The following CELF4 variants were observed in gnomAD, a reference collection of about 807,000 sequenced individuals.
CELF4 encodes the protein CUG-BP- and ETR-3-like factor 4.
A neutral mutation model predicts 59.9 loss-of-function variants in CELF4; 18 were observed. The ratio of observed to expected loss-of-function variants is 0.30; its 90% CI spans 0.21 to 0.45. CELF4 has a LOEUF of 0.45. Ranked by LOEUF, CELF4 falls within the 20% of genes least tolerant of loss-of-function variation. The pLI, the probability that CELF4 is intolerant of heterozygous loss-of-function variation, is 1.00. For missense variants in CELF4, 456 were observed against 689.0 expected (o/e 0.66, Z 3.79); for synonymous variants, 261 against 267.1 (o/e 0.98, Z 0.22).
chr18:37,551,007 G>A (rs1199144315), intron 1 of CELF4, among the ~76,000 whole-genome samples: 3 of 151,330 alleles, frequency 2.0e-5, no homozygotes, highest in African/African-American at 7.4e-5. Flanking sequence ...TTTTGGTTGG[G>A]TACCGTTGCT....
chr18:37,293,587 G>A (rs2154426561), intron 3 of CELF4, among the ~76,000 whole-genome samples: 1 of 152,192 alleles, frequency 6.6e-6, no homozygotes, highest in South Asian at 2.1e-4. Context: ...GCAAATTTGG[G>A]GAGAAGACTA....
At chr18:37,320,253 G>A (rs1478656874) in intron 3 of CELF4, among the ~76,000 whole-genome samples, 10 of 150,438 alleles carry the variant, frequency 6.6e-5, no homozygotes, top group Non-Finnish European at 1.3e-4. Context: ...GGAGAATGGC[G>A]TGAACCCGGG....
In CELF4 at chr18:37,343,329, CTGTGTGTGTG is replaced by C. The variant is rs5824051; in HGVS notation, c.370-21458_370-21449del. 1.3e-3 allele frequency among the ~76,000 whole-genome samples: 167 copies of C among 127,048 alleles called. 1 individual carries two copies. Among genetic ancestry groups the C allele is most frequent in the Admixed American group, 2.0e-3 (25 of 12,586 alleles). The allele number at this position is 127,048 out of a possible 152,430, so 83.3% of individuals were successfully genotyped here. A position where few individuals can be genotyped will look rare whatever the true frequency, so the allele number is the denominator to read the frequency against. On this transcript the variant is annotated intron_variant, in intron 2 of 12. Coordinates refer to ENST00000420428, the MANE Select transcript of CELF4 (RefSeq NM_020180.4). ...ATTGTGTTGAGAATGGGTGTTGATTCTGTGTGTGTGTGTGTGTGTGTGTGTGTGTGTGTGT... is the reference window on the plus strand; with the variant it reads ...ATTGTGTTGAGAATGGGTGTTGATTCTGTGTGTGTGTGTGTGTGTGTGTGT...
chr18:37,390,807 A>AG lies in CELF4; in HGVS notation c.370-68927dup, dbSNP rs1004031145. 5.4e-4 allele frequency among the ~76,000 whole-genome samples: 31 copies of AG among 57,130 alleles called. 1 individual carries two copies. The highest frequency in any genetic ancestry group is 2.6e-4 in the Non-Finnish European group (8 of 30,956). The allele number at this position is 57,130 out of a possible 152,430, so 37.5% of individuals were successfully genotyped here. ...GGCTGGTGGTGGTGATGGGGCGGGG[A>AG]GGGGGGGCAGTGCTGCTGGCCGGCA... On this transcript the variant is annotated intron_variant, in intron 2 of 12. Transcript: ENST00000420428.
At chr18:37,517,142 A>C (rs1463911436) in intron 1 of CELF4, among the ~76,000 whole-genome samples, 1 of 152,116 alleles carries the variant, frequency 6.6e-6, no homozygotes, top group Non-Finnish European at 1.5e-5. Flanking sequence ...CTGTGGGGTC[A>C]GTTGCTCCCT....
In CELF4 at chr18:37,274,830, G is replaced by T; in HGVS notation, c.632C>A (p.Ala211Glu). 2 of 1,606,980 alleles carry T rather than the reference G, an allele frequency of 1.2e-6. No homozygotes were observed. The highest frequency in any genetic ancestry group is 2.2e-5 in the East Asian group (1 of 44,648). The change falls in exon 5 of 13, where the codon GCG becomes GAG. Residue 211 changes from alanine to glutamate, a missense_variant. Ala to Glu is a moderately radical substitution (Grantham distance 107). Coordinates refer to ENST00000420428, the MANE Select transcript of CELF4 (RefSeq NM_020180.4). Reference protein sequence around the residue: ...SHAEAQAAINALHGSQTMPGA... With the variant: ...SHAEAQAAINELHGSQTMPGA... ...CGGCATGGTCTGGCTGCCGTGTAGC[G>T]CGTTGATGGCGGCCTGCGCCTCGGC...
chr18:37,548,366 T>C (rs1415544714), intron 1 of CELF4, among the ~76,000 whole-genome samples: 1 of 152,128 alleles, frequency 6.6e-6, no homozygotes, highest in Non-Finnish European at 1.5e-5. Flanking sequence ...CTCAGTCGAG[T>C]TACTGCTCTC....
intron 1 of CELF4, among the ~76,000 whole-genome samples, chr18:37,548,655 G>T (rs1341659299): frequency 6.6e-6 from 1 of 152,160 alleles, no homozygotes; most frequent in African/African-American, 2.4e-5. Context: ...TTTAACTTTT[G>T]CACCGTGTTT....
intron 2 of CELF4, among the ~76,000 whole-genome samples, chr18:37,342,448 G>A (rs1437379655): frequency 6.6e-6 from 1 of 152,208 alleles, no homozygotes; most frequent in East Asian, 1.9e-4. Context: ...TGATGCTGCA[G>A]CCTGGTGGGG....
At chr18:37,385,369 A>AG (rs1022803110) in intron 2 of CELF4, among the ~76,000 whole-genome samples, 6 of 151,510 alleles carry the variant, frequency 4.0e-5, no homozygotes, top group South Asian at 2.1e-4. Context: ...AAAAAAAAAA[A>AG]AAAGAAAGAA....
chr18:37,307,598 G>C (rs78915962), intron 3 of CELF4, among the ~76,000 whole-genome samples: 10,742 of 152,084 alleles, frequency 0.071, 469 homozygotes, highest in Middle Eastern at 0.13. Context: ...CATGCCTGTG[G>C]GCTGGGGGGT....
intron 2 of CELF4, among the ~76,000 whole-genome samples, chr18:37,419,603 T>A (rs1446126067): frequency 1.3e-5 from 2 of 151,988 alleles, no homozygotes; most frequent in Non-Finnish European, 1.5e-5. Context: ...GAGGCGGCCA[T>A]GTGGACACAC....
intron 11 of CELF4, among the ~76,000 whole-genome samples, chr18:37,256,786 T>A (rs1333954290): frequency 3.9e-5 from 6 of 152,122 alleles, no homozygotes; most frequent in African/African-American, 1.4e-4. Context: ...AGGTTCACCA[T>A]GTTGGCCAGG....
At chr18:37,445,732 G>A (rs1159198676) in intron 2 of CELF4, among the ~76,000 whole-genome samples, 4 of 152,100 alleles carry the variant, frequency 2.6e-5, no homozygotes, top group Non-Finnish European at 5.9e-5. Flanking sequence ...GCATAAGTCC[G>A]ATGCATTCCG....
At chr18:37,343,084 C>T (rs571368373) in intron 2 of CELF4, among the ~76,000 whole-genome samples, 4 of 152,284 alleles carry the variant, frequency 2.6e-5, no homozygotes, top group Middle Eastern at 3.4e-3. Flanking sequence ...AGGTGAGAAT[C>T]GCTGGTGTGC....
chr18:37,341,206 G>T (rs1364237023), intron 2 of CELF4, among the ~76,000 whole-genome samples: 2 of 152,214 alleles, frequency 1.3e-5, no homozygotes, highest in African/African-American at 2.4e-5. Context: ...GTGTGGCTGT[G>T]TGTCCTCCCA....
At chr18:37,424,970 C>T in intron 2 of CELF4, among the ~76,000 whole-genome samples, 1 of 152,180 alleles carries the variant, frequency 6.6e-6, no homozygotes, top group East Asian at 1.9e-4. Context: ...CACTCTCGCC[C>T]CACCCGCACA....
At chr18:37,356,566 A>C (rs978909283) in intron 2 of CELF4, among the ~76,000 whole-genome samples, 8 of 147,752 alleles carry the variant, frequency 5.4e-5, no homozygotes, top group Non-Finnish European at 8.8e-5. Context: ...AGAGGTGCAG[A>C]GAGTAAAGAG....
At chr18:37,252,341 T>A (rs1464769336) in intron 12 of CELF4, among the ~76,000 whole-genome samples, 1 of 152,080 alleles carries the variant, frequency 6.6e-6, no homozygotes, top group Non-Finnish European at 1.5e-5. Flanking sequence ...GACTGAGTGG[T>A]CAGTGCAGTA....
Sources: gnomAD v4.1 joint callset for allele counts (sites outside exome capture counted in the v4.1 genomes callset) on GRCh38, gnomAD v4.1.1 for gene constraint, MANE v1.5 for transcripts, NCBI Gene and HGNC (gene_info 2026-07-23, HGNC 2026-07-21) for gene names.